The following TPR variants were observed in gnomAD, a reference collection of about 807,000 sequenced individuals.
The protein encoded by TPR is translocated promoter region, nuclear basket protein.
Under a neutral mutation model 316.1 loss-of-function variants are expected in TPR, and 51 were observed. The ratio of observed to expected loss-of-function variants is 0.16; its 90% CI spans 0.13 to 0.20. TPR has a LOEUF of 0.20. Among genes scored for constraint, TPR ranks in the 10% least tolerant of loss-of-function variants. TPR has a pLI of 1.00. For missense variants in TPR, 2,272 were observed against 2,754.8 expected, an observed-to-expected ratio of 0.82 and a Z score of 3.92; for synonymous variants, 981 against 914.7, an observed-to-expected ratio of 1.07 and a Z score of -1.31.
Position 186,358,528 on chromosome 1 carries a change from CAAA to C in TPR, c.1497+12_1497+14del. The stretch of plus-strand genomic sequence containing the variant: ...AGGTTTTTAAAAGTAGGAAAACAAA[CAAA>C]AAAATTCTAACCTGTTGTGAAAGAT... On this transcript the variant is annotated intron_variant, in intron 13 of 50. Coordinates refer to ENST00000367478, the MANE Select transcript of TPR (RefSeq NM_003292.3). 1 of 1,599,200 alleles carries C rather than the reference CAAA, an allele frequency of 6.3e-7. No individual in the cohort carries two copies.
intron 14 of TPR, chr1:186,356,665 T>G (rs1659037734): frequency 2.3e-6 from 1 of 432,328 alleles, no homozygotes. Context: ...TCTGAAAAAT[T>G]TGTTTGTAAA....
chr1:186,346,066 A>T, intron 23 of TPR, 69 bp downstream of exon 23: 1 of 1,498,118 alleles, frequency 6.7e-7, no homozygotes, highest in Non-Finnish European at 8.9e-7. Flanking sequence ...AATGGCAACT[A>T]ATGACTTAGT....
In TPR at chr1:186,326,131, A is replaced by G. The variant is rs1188463141; in HGVS notation, c.5994T>C (p.Asn1998=). The change falls in exon 41 of 51, where the codon AAT becomes AAC. Residue 1998 remains asparagine, a synonymous_variant. Transcript: ENST00000367478. ...CAGCATCATCAGCTTCATAACCATCATTGCCATCGGCACTACCAGTTCCTT... is the reference window on the plus strand; with the variant it reads ...CAGCATCATCAGCTTCATAACCATCGTTGCCATCGGCACTACCAGTTCCTT... ...SNEGTGSADG[N]DGYEADDAEG... is the part of the protein sequence containing the mutation. 6.2e-7 allele frequency: 1 copy of G among 1,613,716 alleles called. No homozygotes were observed. Among genetic ancestry groups the G allele is most frequent in the African/African-American group, 1.3e-5 (1 of 75,022 alleles).
rs1208635452 is a variant in TPR, at chr1:186,336,754, T to G, written c.4507-60A>C. 6.0e-6 allele frequency: 9 copies of G among 1,510,262 alleles called. No individual in the cohort carries two copies. In the African/African-American group the frequency reaches 1.3e-4, roughly 21 times the overall value. 93.6% of individuals were successfully genotyped at this position (1,510,262 alleles called of 1,614,324 possible). A position where few individuals can be genotyped will look rare whatever the true frequency, so the allele number is the denominator to read the frequency against. On this transcript the variant is annotated intron_variant, in intron 32 of 50. Coordinates refer to ENST00000367478, the MANE Select transcript of TPR (RefSeq NM_003292.3). ...CAATCATTTCAATATAAACTGTATG[T>G]GGTAGCAACTTAAAGTATAACTTAT...
Position 186,327,528 on chromosome 1 carries a change from C to A in TPR, c.5821G>T (p.Asp1941Tyr). The A allele has an allele frequency of 6.2e-7, 1 of 1,611,618 alleles. No homozygotes were observed. The highest frequency in any genetic ancestry group is 8.5e-7 in the Non-Finnish European group (1 of 1,179,474). Residue 1941 changes from aspartate (D) to tyrosine (Y), a missense_variant, in exon 40 of 51, where the codon GAT (aspartate) becomes TAT (tyrosine). By Grantham distance (160) the Asp-to-Tyr change is radical. This residue lies in a region of TPR where 435 missense variants were observed against 461.1 expected (regional missense o/e 0.94). Coordinates refer to ENST00000367478, the MANE Select transcript of TPR (RefSeq NM_003292.3). ...TCACTGTCAATTACAATGACATCATCTCCTTTGCCTTGACCATCCTGGGAT... is the reference window on the plus strand; with the variant it reads ...TCACTGTCAATTACAATGACATCATATCCTTTGCCTTGACCATCCTGGGAT... ...TSSQDGQGKG[D>Y]DVIVIDSDDE...
At position 186,374,934 on chromosome 1, in the gene TPR, T is replaced by C; in HGVS notation, c.95A>G (p.Gln32Arg). 6.2e-7 allele frequency: 1 copy of C among 1,607,828 alleles called. No homozygotes were observed. Among genetic ancestry groups the C allele is most frequent in the Non-Finnish European group, 8.5e-7 (1 of 1,174,794 alleles). Residue 32 changes from glutamine to arginine, a missense_variant, in exon 1 of 51, where the codon CAG becomes CGG. Physicochemically the swap from Gln to Arg is conservative, Grantham distance 43. This residue lies in a region of TPR where 549 missense variants were observed against 598.6 expected (regional missense o/e 0.92). Coordinates refer to ENST00000367478, the MANE Select transcript of TPR (RefSeq NM_003292.3). ...QNKLEKFLADQQSEIDGLKGR... is the reference protein window; with the variant it reads ...QNKLEKFLADRQSEIDGLKGR... The stretch of plus-strand genomic sequence containing the variant: ...CTTCAGGCCATCGATCTCGGATTGC[T>C]GATCAGCAAGGAACTTTTCAAGTTT...
intron 24 of TPR, among the ~76,000 whole-genome samples, chr1:186,345,274 T>C (rs1334237628): frequency 6.6e-6 from 1 of 152,232 alleles, no homozygotes; most frequent in East Asian, 1.9e-4. Flanking sequence ...TCTGTAATTT[T>C]ATAATCAGAT....
chr1:186,341,393 A>C lies in TPR; in HGVS notation c.3751-4T>G. The C allele has an allele frequency of 6.2e-7, 1 of 1,610,872 alleles. No homozygotes were observed. The highest frequency in any genetic ancestry group is 8.5e-7 in the Non-Finnish European group (1 of 1,179,568). ...GAGCCATTGTTTTTGCAGTTACCTA[A>C]ACATTTCAAATAAATATACATACCA... is the stretch of plus-strand genomic sequence containing the variant. On this transcript the variant is annotated splice_polypyrimidine_tract_variant and splice_region_variant and intron_variant, in intron 27 of 50. Coordinates refer to ENST00000367478, the MANE Select transcript of TPR (RefSeq NM_003292.3).
chr1:186,327,141 A>G, intron 40 of TPR, among the ~76,000 whole-genome samples: 1 of 10,346 alleles, frequency 9.7e-5, no homozygotes, highest in Admixed American at 1.7e-3. Flanking sequence ...TATATTATAT[A>G]TATAAATATA....
intron 1 of TPR, among the ~76,000 whole-genome samples, chr1:186,374,452 ACACT>A (rs1304470228): frequency 6.6e-6 from 1 of 152,246 alleles, no homozygotes; most frequent in Admixed American, 6.5e-5. Context: ...GACGACGCAC[ACACT>A]AAGAACAAGT....
intron 50 of TPR, 187 bp from the exon 51 acceptor site, chr1:186,314,213 T>G (rs1231924297): frequency 1.9e-6 from 1 of 532,108 alleles, no homozygotes; most frequent in Non-Finnish European, 3.2e-6. Context: ...AAGTACAATC[T>G]AAAAGTTATA....
Position 186,333,247 on chromosome 1 carries a change from T to A in TPR, c.5330A>T (p.Gln1777Leu). 1 of 1,613,744 alleles carries A rather than the reference T, an allele frequency of 6.2e-7. No homozygotes were observed. The highest frequency in any genetic ancestry group is 8.5e-7 in the Non-Finnish European group (1 of 1,179,718). The stretch of plus-strand genomic sequence containing the variant: ...CTGAGGATGACTCTGTTGAGTGGGT[T>A]GCACAAAAGCTGTAGCCTGTGTTTG... ...QQQTQATAFVQPTQQSHPQIE... is the reference protein window; with the variant it reads ...QQQTQATAFVLPTQQSHPQIE... The change falls in exon 37 of 51, where the codon CAA becomes CTA. Residue 1777 changes from glutamine (Q) to leucine (L), a missense_variant. Gln to Leu is a moderately radical substitution (Grantham distance 113). Around this residue, in one of 10 missense-constraint regions of TPR, gnomAD observed 435 missense variants for 461.1 expected, o/e 0.94. Transcript: ENST00000367478.
Position 186,351,381 on chromosome 1 carries a change from C to T in TPR, c.2559G>A (p.Lys853=), listed in dbSNP as rs76341274. 390 of 1,612,566 alleles carry T rather than the reference C, an allele frequency of 2.4e-4. 1 individual carries two copies. In the African/African-American group the frequency reaches 4.6e-3, roughly 19 times the overall value. ...KLEHEISHLK[K]KLENEVEQRH... ...TTTGTTCCACCTCATTTTCCAACTT[C>T]TTCTTTAGATGAGAGATCTCATGTT... Residue 853 remains lysine (K), a synonymous_variant, in exon 20 of 51, where the codon AAG becomes AAA. Coordinates refer to ENST00000367478, the MANE Select transcript of TPR (RefSeq NM_003292.3).
intron 36 of TPR, among the ~76,000 whole-genome samples, chr1:186,334,033 T>C (rs768658305): frequency 1.1e-4 from 17 of 151,804 alleles, no homozygotes; most frequent in Non-Finnish European, 2.4e-4. Flanking sequence ...ATAACAAGAG[T>C]GTCATGGGAA....
At chr1:186,361,160 A>G (rs940648179) in intron 9 of TPR, among the ~76,000 whole-genome samples, 1 of 152,056 alleles carries the variant, frequency 6.6e-6, no homozygotes. Context: ...GGTTCTAGGT[A>G]TATCTTTGAT....
At chr1:186,358,177 T>C (rs1659083507) in intron 13 of TPR, among the ~76,000 whole-genome samples, 1 of 152,180 alleles carries the variant, frequency 6.6e-6, no homozygotes, top group African/African-American at 2.4e-5. Context: ...CATATGTTTA[T>C]ATATGCTCAT....
chr1:186,339,841 C>A, intron 29 of TPR, 69 bp from the exon 30 acceptor site: 1 of 1,322,430 alleles, frequency 7.6e-7, no homozygotes, highest in Non-Finnish European at 1.0e-6. Flanking sequence ...AATAAAATGG[C>A]AGAATATCTG....
chr1:186,366,135 G>GA, intron 4 of TPR, among the ~76,000 whole-genome samples: 1 of 152,276 alleles, frequency 6.6e-6, no homozygotes, highest in Non-Finnish European at 1.5e-5. Context: ...TTAGAGAAAT[G>GA]AAAAAGCAAG....
chr1:186,364,177 T>G (rs1659269952), intron 4 of TPR, among the ~76,000 whole-genome samples: 1 of 152,216 alleles, frequency 6.6e-6, no homozygotes, highest in Non-Finnish European at 1.5e-5. Context: ...TTGTGTTTAG[T>G]ACAATACCAT....
Sources: gnomAD v4.1 joint callset for allele counts (sites outside exome capture counted in the v4.1 genomes callset) on GRCh38, gnomAD v4.1.1 for gene constraint, gnomAD v4.1.1 regional missense constraint, MANE v1.5 for transcripts, NCBI Gene and HGNC (gene_info 2026-07-23, HGNC 2026-07-21) for gene names.